Variants in ADCY8 observed in about 807,000 individuals in gnomAD.
ADCY8 encodes the protein adenylate cyclase 8.
A neutral mutation model predicts 119.7 loss-of-function variants in ADCY8; 51 were observed. The ratio of observed to expected loss-of-function variants is 0.43; its 90% CI spans 0.34 to 0.54. The LOEUF (loss-of-function observed/expected upper bound fraction) is 0.54. ADCY8 is among the 20% of genes least tolerant of loss of function. The pLI is 0.03. For missense variants in ADCY8, 1,383 were observed against 1,598.8 expected (o/e 0.87, Z 2.30); for synonymous variants, 665 against 651.0 (o/e 1.02, Z -0.33).
chr8:130,934,770 T>C (rs1303706924), intron 5 of ADCY8, among the ~76,000 whole-genome samples: 1 of 152,226 alleles, frequency 6.6e-6, no homozygotes, highest in Non-Finnish European at 1.5e-5. Context: ...TCCGCATCTC[T>C]ACAGAAGACA....
intron 1 of ADCY8, among the ~76,000 whole-genome samples, chr8:131,035,318 T>A (rs1458954110): frequency 6.6e-6 from 1 of 152,164 alleles, no homozygotes; most frequent in East Asian, 1.9e-4. Flanking sequence ...TTGAGCCTTC[T>A]GAAAGTTTCT....
chr8:130,996,667 A>G (rs1023715829), intron 1 of ADCY8, among the ~76,000 whole-genome samples: 5 of 152,144 alleles, frequency 3.3e-5, no homozygotes, highest in Admixed American at 6.5e-5. Context: ...ACCTCATATT[A>G]TATGCAAAAA....
chr8:130,842,468 A>T (rs1018022067), intron 11 of ADCY8, among the ~76,000 whole-genome samples: 1 of 151,910 alleles, frequency 6.6e-6, no homozygotes, highest in African/African-American at 2.4e-5. Flanking sequence ...TTATTTTATT[A>T]TTTTTTAATT....
At chr8:130,897,299 GA>G (rs1297497704) in intron 7 of ADCY8, among the ~76,000 whole-genome samples, 3 of 152,024 alleles carry the variant, frequency 2.0e-5, no homozygotes, top group Non-Finnish European at 4.4e-5. Flanking sequence ...CAAGATCTAA[GA>G]AAAGTCCCAG....
At chr8:130,795,330 A>T (rs1815547105) in intron 15 of ADCY8, among the ~76,000 whole-genome samples, 1 of 152,244 alleles carries the variant, frequency 6.6e-6, no homozygotes, top group African/African-American at 2.4e-5. Flanking sequence ...TGCAGGGTCC[A>T]GTGCAAAATG....
Position 130,784,763 on chromosome 8 carries a change from A to T in ADCY8, c.3153+620T>A, listed in dbSNP as rs147168918. Among the ~76,000 whole-genome samples, 215 of 152,344 alleles carry T rather than the reference A, an allele frequency of 1.4e-3. 1 individual carries two copies. Among genetic ancestry groups the T allele is most frequent in the Admixed American group, 4.8e-3 (74 of 15,306 alleles). On this transcript the variant is annotated intron_variant, in intron 16 of 17. Transcript: ENST00000286355. ...TTTCATCCCAGATAGTCACTCTTGA[A>T]GTATTTTATTGTTTTTAGTTGGAAA...
chr8:130,911,440 A>G (rs962558944), intron 5 of ADCY8, among the ~76,000 whole-genome samples: 9 of 152,138 alleles, frequency 5.9e-5, no homozygotes, highest in African/African-American at 1.9e-4. Context: ...TCTGATAGCC[A>G]CTGAAGCCTG....
At chr8:130,936,407 G>T (rs1820788004) in intron 5 of ADCY8, among the ~76,000 whole-genome samples, 1 of 152,146 alleles carries the variant, frequency 6.6e-6, no homozygotes, top group Admixed American at 6.5e-5. Flanking sequence ...AGGATAAAGT[G>T]CAACCTCTTA....
intron 5 of ADCY8, among the ~76,000 whole-genome samples, chr8:130,921,415 A>C (rs978380390): frequency 6.7e-6 from 1 of 148,936 alleles, no homozygotes; most frequent in Non-Finnish European, 1.5e-5. Context: ...GTAAACCATG[A>C]TGTTTAATGG....
intron 7 of ADCY8, among the ~76,000 whole-genome samples, chr8:130,886,183 C>G (rs1387521188): frequency 6.6e-6 from 1 of 152,066 alleles, no homozygotes; most frequent in African/African-American, 2.4e-5. Flanking sequence ...CAAGGCTCAT[C>G]ACGGCTAGAC....
At chr8:130,829,189 G>A (rs1314035116) in intron 12 of ADCY8, among the ~76,000 whole-genome samples, 2 of 152,196 alleles carry the variant, frequency 1.3e-5, no homozygotes, top group East Asian at 3.8e-4. Flanking sequence ...ATCGATCTGG[G>A]TAGGCAAGCT....
At chr8:130,932,262 T>G (rs918225166) in intron 5 of ADCY8, among the ~76,000 whole-genome samples, 4 of 152,124 alleles carry the variant, frequency 2.6e-5, no homozygotes, top group Non-Finnish European at 5.9e-5. Flanking sequence ...AGAGCCCAGG[T>G]CCACTAATGT....
At position 130,836,305 on chromosome 8, in the gene ADCY8, G is replaced by A. The variant is rs780153239; in HGVS notation, c.2647C>T (p.Arg883Cys). The A allele has an allele frequency of 2.5e-6, 4 of 1,613,644 alleles. No homozygotes were observed. Among genetic ancestry groups the A allele is most frequent in the African/African-American group, 1.3e-5 (1 of 74,998 alleles). ...CCACTGTGGTTGAGGTTGTCATAAC[G>A]CAGAAAGAGGCCTGCGTAGACGGTC... is the stretch of plus-strand genomic sequence containing the variant. The part of the protein sequence containing the change: ...TETVYAGLFL[R>C]YDNLNHSGED... Residue 883 changes from arginine to cysteine, a missense_variant, in exon 12 of 18, where the codon CGT (arginine) becomes TGT (cysteine). Transcript: ENST00000286355.
intron 9 of ADCY8, among the ~76,000 whole-genome samples, chr8:130,850,721 T>C (rs1366159757): frequency 6.6e-6 from 1 of 152,176 alleles, no homozygotes; most frequent in Non-Finnish European, 1.5e-5. Flanking sequence ...ATTAATATCT[T>C]CCATTGGCCA....
chr8:130,969,471 T>C (rs1821860159), intron 2 of ADCY8, among the ~76,000 whole-genome samples: 1 of 152,224 alleles, frequency 6.6e-6, no homozygotes, highest in Non-Finnish European at 1.5e-5. Flanking sequence ...CTGACTAATA[T>C]ACATAGTATA....
chr8:130,815,968 C>T (rs186130137), intron 13 of ADCY8, among the ~76,000 whole-genome samples: 27 of 152,304 alleles, frequency 1.8e-4, no homozygotes, highest in African/African-American at 6.0e-4. Context: ...TCTCACAGCC[C>T]GTTTTTACTG....
At chr8:130,910,602 T>C (rs1359540239) in intron 5 of ADCY8, among the ~76,000 whole-genome samples, 2 of 152,360 alleles carry the variant, frequency 1.3e-5, no homozygotes, top group East Asian at 1.9e-4. Context: ...ATCCCAGGGC[T>C]GAACTGGGTC....
chr8:130,883,572 C>T (rs894771164), intron 8 of ADCY8, among the ~76,000 whole-genome samples: 2 of 152,138 alleles, frequency 1.3e-5, no homozygotes, highest in South Asian at 2.1e-4. Flanking sequence ...AAGCAAATCT[C>T]CCAGGCAGCT....
At chr8:130,784,039 C>T (rs575723633) in intron 16 of ADCY8, among the ~76,000 whole-genome samples, 2 of 151,454 alleles carry the variant, frequency 1.3e-5, no homozygotes, top group African/African-American at 4.9e-5. Flanking sequence ...CCTTCTTCCA[C>T]ATCTACACCT....
Sources: allele counts gnomAD v4.1 joint callset (sites outside exome capture counted in the v4.1 genomes callset), GRCh38; gene constraint gnomAD v4.1.1; transcripts MANE v1.5; gene names NCBI Gene and HGNC (gene_info 2026-07-23, HGNC 2026-07-21).